PLXND1: variants seen among roughly 807,000 people sequenced by gnomAD.
PLXND1 encodes the protein plexin-D1.
Under a neutral mutation model 197.7 loss-of-function variants are expected in PLXND1, and 54 were observed. That is an observed-to-expected ratio of 0.27 (90% CI 0.22 to 0.34). The LOEUF (loss-of-function observed/expected upper bound fraction) is 0.34. PLXND1 is among the 10% of genes least tolerant of loss of function. The probability of loss-of-function intolerance (pLI) is 1.00; values close to 1 mark genes in which losing one functional copy is unlikely to be tolerated. For missense variants in PLXND1, 2,127 were observed against 2,699.2 expected (o/e 0.79, Z 4.70); for synonymous variants, 1,180 against 1,161.2 (o/e 1.02, Z -0.33).
At chr3:129,591,350 C>G (rs145760837) in intron 1 of PLXND1, 1 of 152,394 alleles carries the variant, frequency 6.6e-6, no homozygotes, top group Non-Finnish European at 1.5e-5. Flanking sequence ...TTCCCAAACG[C>G]CGGGCGTGGT....
chr3:129,602,291 T>A (rs1161288477), intron 1 of PLXND1, among the ~76,000 whole-genome samples: 1 of 152,148 alleles, frequency 6.6e-6, no homozygotes, highest in Non-Finnish European at 1.5e-5. Context: ...CAGGCCTCCC[T>A]GGCCCTTGTG....
chr3:129,605,248 C>T, intron 1 of PLXND1, 81 bp downstream of exon 1: 1 of 574,880 alleles, frequency 1.7e-6, no homozygotes, highest in Non-Finnish European at 2.5e-6. Context: ...ACTCAGCTCA[C>T]GACCCGCTCG....
At position 129,555,522 on chromosome 3, in the gene PLXND1, T is replaced by C. The variant is rs1197379453; in HGVS notation, c.*790A>G. ...GCAGCTATTCACAGTTGGTGCATGATACGTTTTTTAATATATAAAAGCTTT... is the reference window on the plus strand; with the variant it reads ...GCAGCTATTCACAGTTGGTGCATGACACGTTTTTTAATATATAAAAGCTTT... On this transcript the variant is annotated 3_prime_UTR_variant, in exon 36 of 36. Transcript: ENST00000324093. 3.0e-6 allele frequency: 2 copies of C among 670,286 alleles called. No individual in the cohort carries two copies. The highest frequency in any genetic ancestry group is 1.8e-5 in the African/African-American group (1 of 54,474). The allele number at this position is 670,286 out of a possible 1,614,324, so 41.5% of individuals were successfully genotyped here.
At chr3:129,593,495 G>A (rs183500612) in intron 1 of PLXND1, among the ~76,000 whole-genome samples, 22 of 152,354 alleles carry the variant, frequency 1.4e-4, no homozygotes, top group Middle Eastern at 3.4e-3. Flanking sequence ...TCAAGATGTG[G>A]CTCAGCCCCC....
intron 11 of PLXND1, 101 bp from the exon 12 acceptor site, chr3:129,574,591 C>A: frequency 8.1e-7 from 1 of 1,236,446 alleles, no homozygotes; most frequent in Non-Finnish European, 1.1e-6. Context: ...GTCTGCGCCC[C>A]ATCATTGTGG....
chr3:129,561,560 G>A, intron 29 of PLXND1, 86 bp downstream of exon 29: 1 of 1,043,762 alleles, frequency 9.6e-7, no homozygotes. Flanking sequence ...CTGCCTCTCG[G>A]AGCCTCAGCT....
rs1328826189 is a variant in PLXND1, at chr3:129,567,598, G to A, written c.3980C>T (p.Ala1327Val). The change falls in exon 22 of 36, where the codon GCT (alanine) becomes GTT (valine). Residue 1327 changes from alanine to valine, a missense_variant. Around this residue, in one of 6 missense-constraint regions of PLXND1, gnomAD observed 532 missense variants for 811.0 expected, o/e 0.66. Transcript: ENST00000324093. ...QIREEIRKGF[A>V]ELQTDMTDLT... ...ATCTGTCATGTCTGTCTGCAGCTCA[G>A]CGAAGCCTGGCGGACACACGGACAG... 1 of 1,609,808 alleles carries A rather than the reference G, an allele frequency of 6.2e-7. No individual in the cohort carries two copies. Among genetic ancestry groups the A allele is most frequent in the Non-Finnish European group, 8.5e-7 (1 of 1,176,892 alleles).
chr3:129,605,590 G>A lies in PLXND1; in HGVS notation c.1050C>T (p.Gly350=). The part of the protein sequence containing the change: ...QLGLQCAGGA[G]RGDLYSRLVS... Reference sequence around the variant, plus strand: ...CCAGGCGGCTGTAGAGGTCGCCGCGGCCCGCGCCGCCCGCGCACTGCAAGC... The same window carrying A: ...CCAGGCGGCTGTAGAGGTCGCCGCGACCCGCGCCGCCCGCGCACTGCAAGC... Residue 350 remains glycine (G), a synonymous_variant, in exon 1 of 36, where the codon GGC becomes GGT. Transcript: ENST00000324093. 2.6e-6 allele frequency: 4 copies of A among 1,522,674 alleles called. No homozygotes were observed. The highest frequency in any genetic ancestry group is 3.5e-6 in the Non-Finnish European group (4 of 1,138,582). The allele number at this position is 1,522,674 out of a possible 1,614,324, so 94.3% of individuals were successfully genotyped here. A position where few individuals can be genotyped will look rare whatever the true frequency, so the allele number is the denominator to read the frequency against.
chr3:129,597,692 G>C (rs981275336), intron 1 of PLXND1, among the ~76,000 whole-genome samples: 1 of 152,230 alleles, frequency 6.6e-6, no homozygotes, highest in Non-Finnish European at 1.5e-5. Flanking sequence ...AGTATCAGCC[G>C]AGCAGGGTGG....
At chr3:129,560,484 C>G in intron 30 of PLXND1, 50 bp from the exon 31 acceptor site, 2 of 1,323,638 alleles carry the variant, frequency 1.5e-6, no homozygotes, top group Non-Finnish European at 2.2e-6. Flanking sequence ...CATCCTCGGC[C>G]GCCTGTGGGA....
rs1471535338 is a variant in PLXND1 at position 129,571,608 on chromosome 3, G to T, written c.3246-9C>A. The T allele has an allele frequency of 3.1e-6, 5 of 1,613,820 alleles. No homozygotes were observed. Among genetic ancestry groups the T allele is most frequent in the Non-Finnish European group, 4.2e-6 (5 of 1,179,964 alleles). On this transcript the variant is annotated splice_polypyrimidine_tract_variant and intron_variant, in intron 16 of 35. Transcript: ENST00000324093. ...TGATGGTCCTGCCGCCACTGCGGGG[G>T]ACAGCAAAACCTATCAGTGCACCTG...
At chr3:129,598,574 G>A (rs1287457833) in intron 1 of PLXND1, among the ~76,000 whole-genome samples, 5 of 152,106 alleles carry the variant, frequency 3.3e-5, no homozygotes, top group African/African-American at 4.8e-5. Context: ...ACCCCAGCCC[G>A]CGACCATGAT....
intron 1 of PLXND1, 130 bp downstream of exon 1, chr3:129,605,199 A>G (rs928409929): frequency 9.3e-6 from 4 of 429,562 alleles, no homozygotes; most frequent in African/African-American, 2.1e-5. Context: ...CCTGGGTTCC[A>G]CGTACATCTG....
At chr3:129,559,883 G>T in intron 31 of PLXND1, 100 bp from the exon 32 acceptor site, 1 of 1,038,718 alleles carries the variant, frequency 9.6e-7, no homozygotes. Context: ...CCAGGCTGCT[G>T]AATGAGGAAG....
intron 1 of PLXND1, among the ~76,000 whole-genome samples, chr3:129,592,896 G>A (rs879924581): frequency 6.6e-6 from 1 of 152,100 alleles, no homozygotes; most frequent in East Asian, 1.9e-4. Flanking sequence ...ATGCAGGCTG[G>A]GGGAGGGGGA....
intron 13 of PLXND1, among the ~76,000 whole-genome samples, chr3:129,573,273 G>T (rs2085264205): frequency 6.6e-6 from 1 of 152,084 alleles, no homozygotes; most frequent in Non-Finnish European, 1.5e-5. Context: ...AACCATGCCA[G>T]TAGCCCCAGC....
At position 129,586,069 on chromosome 3, in the gene PLXND1, C is replaced by T. The variant is rs763925204; in HGVS notation, c.1734G>A (p.Gln578=). The T allele has an allele frequency of 6.2e-7, 1 of 1,613,926 alleles. No homozygotes were observed. Among genetic ancestry groups the T allele is most frequent in the African/African-American group, 1.3e-5 (1 of 75,064 alleles). The change falls in exon 5 of 36, where the codon CAG becomes CAA. Residue 578 remains glutamine, a synonymous_variant. Coordinates refer to ENST00000324093, the MANE Select transcript of PLXND1 (RefSeq NM_015103.3). ...GCTGGCTGGAATTGGTGCAGTCCTG[C>T]TGCAAGGTGCACCTGGGGTGGCACC... is the stretch of plus-strand genomic sequence containing the variant. ...WCALETRCTL[Q]QDCTNSSQQH... is the part of the protein sequence containing the mutation.
intron 28 of PLXND1, 33 bp downstream of exon 28, chr3:129,561,767 G>A: frequency 1.3e-6 from 2 of 1,548,378 alleles, no homozygotes; most frequent in South Asian, 2.3e-5. Context: ...GGGCATGAGG[G>A]TGGGGAAATG....
rs895737782 is a variant in PLXND1 at position 129,570,009 on chromosome 3, G to A, written c.3751-52C>T. On this transcript the variant is annotated intron_variant, in intron 19 of 35. Transcript: ENST00000324093. The stretch of plus-strand genomic sequence containing the variant: ...GTAGCTTTCCTGGACTTATACTCTA[G>A]TTCTGCTCCTCACTTGCTGTGTGGC... The A allele has an allele frequency of 3.9e-6, 4 of 1,019,438 alleles. No individual in the cohort carries two copies. In the African/African-American group the frequency reaches 4.7e-5, roughly 12 times the overall value. 63.1% of individuals were successfully genotyped at this position (1,019,438 alleles called of 1,614,324 possible).
Sources: gnomAD v4.1 joint callset for allele counts (sites outside exome capture counted in the v4.1 genomes callset) on GRCh38, gnomAD v4.1.1 for gene constraint, gnomAD v4.1.1 regional missense constraint, MANE v1.5 for transcripts, NCBI Gene and HGNC (gene_info 2026-07-23, HGNC 2026-07-21) for gene names.